GLYATL2: variants seen among roughly 807,000 people sequenced by gnomAD.
GLYATL2 encodes the protein glycine-N-acyltransferase like 2, also known as glycine N-acyltransferase-like protein 2.
A neutral mutation model predicts 21.4 loss-of-function variants in GLYATL2; 25 were observed. The observed-to-expected ratio is 1.17, with a 90% CI of 0.85 to 1.63. GLYATL2 has a LOEUF of 1.63. GLYATL2 is among the 40% of genes most tolerant of loss of function. GLYATL2 has a pLI of 0.00. For synonymous variants in GLYATL2, 114 were observed against 118.2 expected (o/e 0.96, Z 0.23); for missense variants, 361 against 343.3 (o/e 1.05, Z -0.41).
chr11:58,906,556 G>A (rs1854892208), upstream of GLYATL2, among the ~76,000 whole-genome samples: 1 of 152,130 alleles, frequency 6.6e-6, no homozygotes, highest in South Asian at 2.1e-4. Flanking sequence ...AAGAGGTGGG[G>A]CTTTCCAGGA....
At position 58,894,514 on chromosome 11, in the gene GLYATL2, A is replaced by G. The variant is rs118003748; in HGVS notation, n.60+9642T>C. 2.3e-3 allele frequency among the ~76,000 whole-genome samples: 341 copies of G among 145,992 alleles called. 6 individuals are homozygous for G. The South Asian group carries it at 0.035, about 15-fold the overall frequency. On this transcript the variant is annotated intron_variant and non_coding_transcript_variant, in intron 1 of 4. Transcript: ENST00000533636. Reference sequence around the variant, plus strand: ...AAAAAGCATTTTCATTCTTTCTGATAATCTAGATTTAAAAAAACAAAGGAA... The same window carrying G: ...AAAAAGCATTTTCATTCTTTCTGATGATCTAGATTTAAAAAAACAAAGGAA...
In GLYATL2 at chr11:58,889,784, T is replaced by C. The variant is rs1277923016; in HGVS notation, n.60+14372A>G. On this transcript the variant is annotated intron_variant and non_coding_transcript_variant, in intron 1 of 4. Transcript: ENST00000533636. ...TTCAGAATTTTTGTATCTGTATTCA[T>C]AAGGGAATATGGGCAATAATTCTCT... Among the ~76,000 whole-genome samples, 6 of 152,290 alleles carry C rather than the reference T, an allele frequency of 3.9e-5. No individual in the cohort carries two copies. In the South Asian group the frequency reaches 1.2e-3, roughly 32 times the overall value.
At chr11:58,839,310 C>T (rs1365703140) in intron 2 of GLYATL2, among the ~76,000 whole-genome samples, 1 of 152,070 alleles carries the variant, frequency 6.6e-6, no homozygotes, top group Non-Finnish European at 1.5e-5. Context: ...GAAGAGATGA[C>T]AAAGTACACC....
At chr11:58,898,520 G>C (rs796189719) in intron 1 of GLYATL2, among the ~76,000 whole-genome samples, 11 of 145,900 alleles carry the variant, frequency 7.5e-5, no homozygotes, top group African/African-American at 2.8e-4. Flanking sequence ...TGAGATCTCT[G>C]TTCCTATTTG....
upstream of GLYATL2, among the ~76,000 whole-genome samples, chr11:58,846,462 T>C (rs900996787): frequency 2.5e-4 from 38 of 152,154 alleles, no homozygotes; most frequent in South Asian, 6.2e-4. Flanking sequence ...GAATCACCAA[T>C]CCCCATCCCT....
At chr11:58,906,127 G>C (rs938838889), upstream of GLYATL2, among the ~76,000 whole-genome samples, 1 of 152,148 alleles carries the variant, frequency 6.6e-6, no homozygotes, top group African/African-American at 2.4e-5. Flanking sequence ...GGTTTTTCTG[G>C]TTCTGGGTCG....
chr11:58,882,105 A>G (rs1378611875), intron 1 of GLYATL2, among the ~76,000 whole-genome samples: 5 of 152,180 alleles, frequency 3.3e-5, no homozygotes, highest in Admixed American at 2.6e-4. Flanking sequence ...CAGTAATGGG[A>G]TCGCTGAGTC....
chr11:58,889,747 C>T (rs977014733), intron 1 of GLYATL2, among the ~76,000 whole-genome samples: 5 of 152,036 alleles, frequency 3.3e-5, no homozygotes, highest in African/African-American at 9.7e-5. Context: ...TGATATACTA[C>T]CGAATATTTT....
intron 1 of GLYATL2, among the ~76,000 whole-genome samples, chr11:58,902,152 GCTAT>G (rs1244166086): frequency 2.6e-4 from 40 of 152,266 alleles, no homozygotes; most frequent in African/African-American, 9.6e-4. Flanking sequence ...CCCCATTTCA[GCTAT>G]CTATCAATAG....
At chr11:58,883,265 C>G (rs1474081343) in intron 1 of GLYATL2, among the ~76,000 whole-genome samples, 1 of 151,922 alleles carries the variant, frequency 6.6e-6, no homozygotes, top group Admixed American at 6.6e-5. Context: ...TCAAAAAAAT[C>G]AATGAATCCA....
intron 1 of GLYATL2, 103 bp downstream of exon 1, chr11:58,844,330 GC>G (rs1853604598): frequency 6.6e-6 from 1 of 152,148 alleles, no homozygotes. Flanking sequence ...CCAAGGGTTT[GC>G]AGGGGAAAAG....
rs1367399570 is a variant in GLYATL2, at chr11:58,839,649, T to C, written c.-37A>G. Reference sequence around the variant, plus strand: ...CTTCAGCTTCTTTCCCTCAAGAAGATGATCTAAGGAAATAAACACAAAAAC... The same window carrying C: ...CTTCAGCTTCTTTCCCTCAAGAAGACGATCTAAGGAAATAAACACAAAAAC... On this transcript the variant is annotated 5_prime_UTR_variant, in exon 2 of 6. Transcript: ENST00000287275. 1 of 1,493,920 alleles carries C rather than the reference T, an allele frequency of 6.7e-7. No homozygotes were observed. 92.5% of individuals were successfully genotyped at this position (1,493,920 alleles called of 1,614,324 possible).
chr11:58,888,801 T>C (rs1041295061), intron 1 of GLYATL2, among the ~76,000 whole-genome samples: 2 of 151,930 alleles, frequency 1.3e-5, no homozygotes, highest in Non-Finnish European at 2.9e-5. Flanking sequence ...CATTATGCAA[T>C]GTACACAATT....
At chr11:58,865,184 C>A (rs1408857066) in intron 1 of GLYATL2, among the ~76,000 whole-genome samples, 1 of 147,454 alleles carries the variant, frequency 6.8e-6, no homozygotes, top group Admixed American at 7.0e-5. Flanking sequence ...TAGAGGAAAA[C>A]TACTGTTGGC....
intron 5 of GLYATL2, among the ~76,000 whole-genome samples, chr11:58,836,124 A>G (rs1389060305): frequency 6.6e-6 from 1 of 152,144 alleles, no homozygotes; most frequent in African/African-American, 2.4e-5. Context: ...ATGCCAACAT[A>G]TTTTTTACAA....
At chr11:58,871,512 C>A (rs1226228436) in intron 1 of GLYATL2, among the ~76,000 whole-genome samples, 1 of 150,728 alleles carries the variant, frequency 6.6e-6, no homozygotes, top group Non-Finnish European at 1.5e-5. Context: ...CAATTCCCAC[C>A]TATGAGTGAG....
At chr11:58,898,688 A>G (rs1854677848) in intron 1 of GLYATL2, among the ~76,000 whole-genome samples, 1 of 151,906 alleles carries the variant, frequency 6.6e-6, no homozygotes, top group African/African-American at 2.4e-5. Flanking sequence ...ACAAAAAATT[A>G]GCCGGGCGTT....
At chr11:58,888,435 G>A (rs1264384740) in intron 1 of GLYATL2, among the ~76,000 whole-genome samples, 1 of 151,762 alleles carries the variant, frequency 6.6e-6, no homozygotes, top group Non-Finnish European at 1.5e-5. Context: ...CTTACAGTGA[G>A]TTAATTTTTA....
chr11:58,882,056 T>G (rs1452833256), intron 1 of GLYATL2, among the ~76,000 whole-genome samples: 3 of 152,220 alleles, frequency 2.0e-5, no homozygotes, highest in Admixed American at 6.5e-5. Context: ...TGCATGTGTC[T>G]TTATAGTAGC....
Sources: allele counts gnomAD v4.1 joint callset (sites outside exome capture counted in the v4.1 genomes callset), GRCh38; gene constraint gnomAD v4.1.1; transcripts MANE v1.5; gene names NCBI Gene and HGNC (gene_info 2026-07-23, HGNC 2026-07-21).